TFEC: variants seen among roughly 807,000 people sequenced by gnomAD.
TFEC encodes the protein class E basic helix-loop-helix protein 34.
TFEC carries 31 observed loss-of-function variants against 41.6 expected under a neutral mutation model. That is an observed-to-expected ratio of 0.74 (90% CI 0.56 to 1.01). TFEC has a LOEUF of 1.01. TFEC is among the 50% of genes least tolerant of loss of function. The pLI is 0.00. For missense variants in TFEC, 402 were observed against 404.1 expected, an observed-to-expected ratio of 0.99 and a Z score of 0.04; for synonymous variants, 143 against 140.6, an observed-to-expected ratio of 1.02 and a Z score of -0.12.
intron 3 of TFEC, among the ~76,000 whole-genome samples, chr7:116,086,692 A>G (rs946377972): frequency 6.6e-6 from 1 of 151,904 alleles, no homozygotes; most frequent in Non-Finnish European, 1.5e-5. Context: ...TCCAGGGATC[A>G]GATTCTAAAA....
At chr7:116,071,800 T>C (rs1233690571) in intron 3 of TFEC, among the ~76,000 whole-genome samples, 2 of 151,376 alleles carry the variant, frequency 1.3e-5, no homozygotes, top group East Asian at 1.9e-4. Flanking sequence ...CCTGTGATAA[T>C]GTGCTTGGAT....
In TFEC at chr7:115,941,885, A is replaced by C. The variant is rs372457116; in HGVS notation, c.663+8T>G. The C allele has an allele frequency of 5.0e-6, 8 of 1,612,864 alleles. No homozygotes were observed. Among genetic ancestry groups the C allele is most frequent in the Non-Finnish European group, 8.5e-7 (1 of 1,179,354 alleles). ...CTATGTGACTCATGGCTACATTCTTATAAAAACCTGAATCCGAAGTAGAAG... is the reference window on the plus strand; with the variant it reads ...CTATGTGACTCATGGCTACATTCTTCTAAAAACCTGAATCCGAAGTAGAAG... On this transcript the variant is annotated splice_region_variant and intron_variant, in intron 7 of 7. Coordinates refer to ENST00000265440, the MANE Select transcript of TFEC (RefSeq NM_012252.4).
At chr7:116,021,322 C>G (rs1795386873) in intron 1 of TFEC, among the ~76,000 whole-genome samples, 1 of 152,204 alleles carries the variant, frequency 6.6e-6, no homozygotes, top group South Asian at 2.1e-4. Context: ...AACCCAATAT[C>G]TGAGAAGTCA....
intron 3 of TFEC, among the ~76,000 whole-genome samples, chr7:116,093,676 T>C (rs1797380506): frequency 6.6e-6 from 1 of 152,194 alleles, no homozygotes; most frequent in Admixed American, 6.5e-5. Context: ...CTAACTTTTT[T>C]ATAGACAAAT....
At chr7:115,964,325 A>G (rs138334749) in intron 3 of TFEC, among the ~76,000 whole-genome samples, 1 of 151,734 alleles carries the variant, frequency 6.6e-6, no homozygotes, top group East Asian at 1.9e-4. Context: ...ATTTTCAAGA[A>G]ATATATCATG....
chr7:116,075,837 T>C (rs941243636), intron 3 of TFEC, among the ~76,000 whole-genome samples: 1 of 152,182 alleles, frequency 6.6e-6, no homozygotes, highest in Non-Finnish European at 1.5e-5. Context: ...GGGAGCTCTA[T>C]GGTCCTACCC....
intron 2 of TFEC, chr7:116,110,942 G>GA (rs767597406): frequency 3.2e-5 from 45 of 1,415,228 alleles, no homozygotes; most frequent in Middle Eastern, 1.8e-4. Context: ...AGTGGATTTG[G>GA]AAAAAAAGGA....
At chr7:116,028,389 T>A (rs1795663661) in intron 1 of TFEC, among the ~76,000 whole-genome samples, 2 of 152,190 alleles carry the variant, frequency 1.3e-5, no homozygotes, top group African/African-American at 4.8e-5. Flanking sequence ...TTTGCGTAAA[T>A]TAGTTTCTTG....
rs985995093 is a variant in TFEC, at chr7:115,940,476, A to T, written c.*75T>A. On this transcript the variant is annotated 3_prime_UTR_variant, in exon 8 of 8. Coordinates refer to ENST00000265440, the MANE Select transcript of TFEC (RefSeq NM_012252.4). ...GAAAAAAAATAAGCCAAAGCAACAT[A>T]TGAAACACAGAGCATAATTGCATAG... 1 of 1,464,754 alleles carries T rather than the reference A, an allele frequency of 6.8e-7. No individual in the cohort carries two copies. The highest frequency in any genetic ancestry group is 2.3e-5 in the Admixed American group (1 of 43,726). 90.7% of individuals were successfully genotyped at this position (1,464,754 alleles called of 1,614,324 possible). A position where few individuals can be genotyped will look rare whatever the true frequency, so the allele number is the denominator to read the frequency against.
rs528330072 is a variant in TFEC at position 115,962,893 on chromosome 7, T to C, written c.268-6100A>G. Reference sequence around the variant, plus strand: ...TATACTTTAAGTTCTAGGGTACATATGCACAACGTGCAGGTTGTTACATAG... The same window carrying C: ...TATACTTTAAGTTCTAGGGTACATACGCACAACGTGCAGGTTGTTACATAG... On this transcript the variant is annotated intron_variant, in intron 3 of 7. Coordinates refer to ENST00000265440, the MANE Select transcript of TFEC (RefSeq NM_012252.4). Among the ~76,000 whole-genome samples, 4 of 152,074 alleles carry C rather than the reference T, an allele frequency of 2.6e-5. No individual in the cohort carries two copies. The South Asian group carries it at 6.2e-4, about 24-fold the overall frequency.
At chr7:116,113,225 G>T (rs1182030561) in intron 1 of TFEC, among the ~76,000 whole-genome samples, 1 of 151,878 alleles carries the variant, frequency 6.6e-6, no homozygotes, top group African/African-American at 2.4e-5. Context: ...GGAAATAAGG[G>T]TCTTTGCAAA....
At chr7:116,067,310 A>T (rs774057102) in intron 3 of TFEC, among the ~76,000 whole-genome samples, 8 of 152,088 alleles carry the variant, frequency 5.3e-5, no homozygotes, top group Non-Finnish European at 1.0e-4. Flanking sequence ...GAAATGAATC[A>T]GTGATTTCAA....
chr7:116,012,728 A>T (rs1795046213), intron 1 of TFEC, among the ~76,000 whole-genome samples: 1 of 151,862 alleles, frequency 6.6e-6, no homozygotes, highest in Admixed American at 6.6e-5. Context: ...TTCAGATATT[A>T]AAAAATGAAT....
chr7:115,946,724 T>G (rs1232154014), intron 6 of TFEC, among the ~76,000 whole-genome samples: 1 of 150,628 alleles, frequency 6.6e-6, no homozygotes, highest in Non-Finnish European at 1.5e-5. Flanking sequence ...CTTTCTTTTT[T>G]TTAGAGGTCG....
chr7:115,999,316 C>T (rs1006357679), intron 1 of TFEC, among the ~76,000 whole-genome samples: 1 of 151,632 alleles, frequency 6.6e-6, no homozygotes, highest in African/African-American at 2.4e-5. Flanking sequence ...CACAATATAC[C>T]AAAATGTATG....
At chr7:116,017,244 CAG>C (rs933685286) in intron 1 of TFEC, among the ~76,000 whole-genome samples, 6 of 152,260 alleles carry the variant, frequency 3.9e-5, no homozygotes, top group African/African-American at 1.4e-4. Flanking sequence ...TTTATTTAGA[CAG>C]AGTCTCGCTC....
chr7:116,063,564 A>G (rs1000595040), intron 3 of TFEC, among the ~76,000 whole-genome samples: 2 of 152,208 alleles, frequency 1.3e-5, no homozygotes, highest in African/African-American at 4.8e-5. Context: ...GGTTGCAGTG[A>G]GCCAAGATCA....
intron 3 of TFEC, among the ~76,000 whole-genome samples, chr7:116,039,144 T>C (rs1467682743): frequency 6.6e-6 from 1 of 152,074 alleles, no homozygotes; most frequent in East Asian, 1.9e-4. Context: ...CAAATGACTA[T>C]GACATTCTGC....
chr7:116,027,555 C>T (rs1322882145), intron 1 of TFEC, among the ~76,000 whole-genome samples: 1 of 152,084 alleles, frequency 6.6e-6, no homozygotes, highest in African/African-American at 2.4e-5. Context: ...CCTGATCAAG[C>T]CACTACACTG....
Sources: gnomAD v4.1 joint callset for allele counts (sites outside exome capture counted in the v4.1 genomes callset) on GRCh38, gnomAD v4.1.1 for gene constraint, MANE v1.5 for transcripts, NCBI Gene and HGNC (gene_info 2026-07-23, HGNC 2026-07-21) for gene names.